Variants in GPC6 observed in about 807,000 individuals in gnomAD.
GPC6 encodes the protein glypican-6.
Under a neutral mutation model 55.2 loss-of-function variants are expected in GPC6, and 14 were observed. The ratio of observed to expected loss-of-function variants is 0.25; its 90% confidence interval spans 0.17 to 0.40. The LOEUF (loss-of-function observed/expected upper bound fraction) is 0.40, where lower values mean the gene tolerates loss of function less well. GPC6 is among the 10% of genes least tolerant of loss of function. GPC6 has a pLI of 1.00. For missense variants in GPC6, 641 were observed against 708.5 expected, an observed-to-expected ratio of 0.90 and a Z score of 1.08; for synonymous variants, 278 against 259.6, an observed-to-expected ratio of 1.07 and a Z score of -0.68.
At chr13:93,441,343 C>T (rs1431043987) in intron 1 of GPC6, among the ~76,000 whole-genome samples, 1 of 151,566 alleles carries the variant, frequency 6.6e-6, no homozygotes, top group Non-Finnish European at 1.5e-5. Context: ...TTTCCACATC[C>T]TCTCCAGTAC....
intron 3 of GPC6, among the ~76,000 whole-genome samples, chr13:93,942,685 T>C (rs1283359876): frequency 6.6e-6 from 1 of 152,110 alleles, no homozygotes; most frequent in Non-Finnish European, 1.5e-5. Context: ...GTCTATTCAT[T>C]AGAAGCCAGT....
intron 1 of GPC6, among the ~76,000 whole-genome samples, chr13:93,397,205 C>A (rs1347991742): frequency 6.6e-6 from 1 of 152,072 alleles, no homozygotes; most frequent in Non-Finnish European, 1.5e-5. Context: ...AGGTATAATT[C>A]ACATCCTGTA....
rs570278136 is a variant in GPC6, at chr13:93,899,542, A to G, written c.711+68997A>G. Among the ~76,000 whole-genome samples the G allele has an allele frequency of 4.6e-5, 7 of 152,216 alleles. No homozygotes were observed. The East Asian group carries it at 9.7e-4, about 21-fold the overall frequency. ...GAAGCAGGGACATCAGCAATATGGT[A>G]TATATTACCTGGAATATGTTAGATG... On this transcript the variant is annotated intron_variant, in intron 3 of 8. Transcript: ENST00000377047.
At chr13:93,601,166 A>C (rs1878000661) in intron 2 of GPC6, among the ~76,000 whole-genome samples, 1 of 151,802 alleles carries the variant, frequency 6.6e-6, no homozygotes, top group Non-Finnish European at 1.5e-5. Flanking sequence ...AGGCAGGCAG[A>C]TCACTTAAGG....
chr13:94,400,623 T>A (rs1220166812), intron 8 of GPC6, among the ~76,000 whole-genome samples: 2 of 152,120 alleles, frequency 1.3e-5, no homozygotes, highest in Non-Finnish European at 2.9e-5. Context: ...ATTCTCTAAT[T>A]GTGTCTTTCT....
chr13:93,694,602 C>T (rs1483681781), intron 2 of GPC6, among the ~76,000 whole-genome samples: 1 of 152,084 alleles, frequency 6.6e-6, no homozygotes, highest in Non-Finnish European at 1.5e-5. Context: ...CAAGACTGAC[C>T]AATGTGATTA....
intron 4 of GPC6, among the ~76,000 whole-genome samples, chr13:94,258,262 G>A (rs2139046328): frequency 6.6e-6 from 1 of 152,254 alleles, no homozygotes; most frequent in African/African-American, 2.4e-5. Flanking sequence ...TCTGACCACG[G>A]AACAACTCCC....
intron 2 of GPC6, among the ~76,000 whole-genome samples, chr13:93,763,349 ATTGCATAGCC>A (rs1885012790): frequency 6.6e-6 from 1 of 152,188 alleles, no homozygotes; most frequent in South Asian, 2.1e-4. Flanking sequence ...CATACATCAC[ATTGCATAGCC>A]TACAATCAAA....
chr13:93,479,979 A>G (rs1162088510), intron 1 of GPC6, among the ~76,000 whole-genome samples: 1 of 152,220 alleles, frequency 6.6e-6, no homozygotes, highest in Admixed American at 6.5e-5. Flanking sequence ...ATTGCTGGGA[A>G]ATGAAATTTA....
chr13:94,194,036 A>G (rs1889483890), intron 4 of GPC6, among the ~76,000 whole-genome samples: 1 of 152,206 alleles, frequency 6.6e-6, no homozygotes, highest in Non-Finnish European at 1.5e-5. Context: ...ACTTTGATGT[A>G]TGGGAAATTT....
intron 3 of GPC6, among the ~76,000 whole-genome samples, chr13:93,920,660 G>A (rs1175591760): frequency 2.0e-5 from 3 of 152,106 alleles, no homozygotes; most frequent in African/African-American, 4.8e-5. Flanking sequence ...TTCTAACAAC[G>A]TTTTCACAGT....
intron 1 of GPC6, among the ~76,000 whole-genome samples, chr13:93,300,377 G>A (rs147745624): frequency 7.2e-5 from 11 of 152,262 alleles, no homozygotes; most frequent in East Asian, 3.9e-4. Flanking sequence ...GGCTGGGCAC[G>A]GTGGCTCATG....
Position 94,403,238 on chromosome 13 carries a change from G to T in GPC6, c.*21G>T, listed in dbSNP as rs1881228051. The T allele has an allele frequency of 2.6e-6, 4 of 1,547,408 alleles. No homozygotes were observed. Among genetic ancestry groups the T allele is most frequent in the Admixed American group, 1.7e-5 (1 of 59,840 alleles). The stretch of plus-strand genomic sequence containing the variant: ...GATAATCTTGGGTTTTTGGTCAGAT[G>T]AAACTGCATTTTAGCTATCTGAATG... On this transcript the variant is annotated 3_prime_UTR_variant, in exon 9 of 9. Transcript: ENST00000377047.
chr13:93,541,938 A>G (rs1882322774), intron 1 of GPC6, among the ~76,000 whole-genome samples: 1 of 151,894 alleles, frequency 6.6e-6, no homozygotes, highest in Non-Finnish European at 1.5e-5. Context: ...TTGTCAGATG[A>G]GTAGGTTGCG....
intron 2 of GPC6, among the ~76,000 whole-genome samples, chr13:93,565,341 G>T (rs1222871332): frequency 6.6e-6 from 1 of 152,188 alleles, no homozygotes; most frequent in Non-Finnish European, 1.5e-5. Context: ...GGAAAACATA[G>T]AAAGAAATGT....
At position 93,434,447 on chromosome 13, in the gene GPC6, G is replaced by A. The variant is rs1051220588; in HGVS notation, c.161-110816G>A. On this transcript the variant is annotated intron_variant, in intron 1 of 8. Transcript: ENST00000377047. Reference sequence around the variant, plus strand: ...CTCCCCCAATTATATTGTGGGGACAGTGAGGAATAGGCCAATCTGTTGAGC... The same window carrying A: ...CTCCCCCAATTATATTGTGGGGACAATGAGGAATAGGCCAATCTGTTGAGC... 5.1e-4 allele frequency among the ~76,000 whole-genome samples: 78 copies of A among 152,148 alleles called. 5 individuals are homozygous for A. Among genetic ancestry groups the A allele is most frequent in the Middle Eastern group, 3.2e-3 (1 of 316 alleles).
chr13:94,161,181 C>G (rs1171363478), intron 4 of GPC6, among the ~76,000 whole-genome samples: 1 of 152,172 alleles, frequency 6.6e-6, no homozygotes, highest in East Asian at 1.9e-4. Flanking sequence ...CTCTTGCACG[C>G]ATAAGGCTCT....
intron 2 of GPC6, among the ~76,000 whole-genome samples, chr13:93,551,286 C>T (rs1354472053): frequency 1.4e-5 from 2 of 140,012 alleles, no homozygotes; most frequent in Non-Finnish European, 3.1e-5. Flanking sequence ...ATTCCTTGCA[C>T]CAGCCCTTTA....
At chr13:93,689,896 A>C (rs1882193646) in intron 2 of GPC6, among the ~76,000 whole-genome samples, 1 of 152,262 alleles carries the variant, frequency 6.6e-6, no homozygotes, top group East Asian at 1.9e-4. Flanking sequence ...GTCTTAGATT[A>C]GTCATTCAGC....
Sources: allele counts gnomAD v4.1 joint callset (sites outside exome capture counted in the v4.1 genomes callset), GRCh38; gene constraint gnomAD v4.1.1; transcripts MANE v1.5; gene names NCBI Gene and HGNC (gene_info 2026-07-23, HGNC 2026-07-21).